The following ADGRL2 variants were observed in gnomAD, a reference collection of about 807,000 sequenced individuals.
The protein encoded by ADGRL2 is calcium-independent alpha-latrotoxin receptor 2.
In ADGRL2, 44 loss-of-function variants were observed where a neutral mutation model predicts 157.4. The observed-to-expected ratio is 0.28, with a 90% CI of 0.22 to 0.36. The LOEUF is 0.36. Ranked by LOEUF, ADGRL2 falls within the 10% of genes least tolerant of loss-of-function variation. The probability of loss-of-function intolerance (pLI) is 1.00; values close to 1 mark genes in which losing one functional copy is unlikely to be tolerated. For synonymous variants in ADGRL2, 585 were observed against 624.7 expected, an observed-to-expected ratio of 0.94 and a Z score of 0.95; for missense variants, 1,510 against 1,768.9, an observed-to-expected ratio of 0.85 and a Z score of 2.63.
At chr1:81,792,073 G>A (rs942436619) in intron 2 of ADGRL2, among the ~76,000 whole-genome samples, 10 of 152,086 alleles carry the variant, frequency 6.6e-5, no homozygotes, top group African/African-American at 1.9e-4. Flanking sequence ...CTCTGGGGAG[G>A]GAGTATGTTT....
At chr1:81,430,118 C>G (rs1286801061) in intron 1 of ADGRL2, among the ~76,000 whole-genome samples, 1 of 152,190 alleles carries the variant, frequency 6.6e-6, no homozygotes, top group Non-Finnish European at 1.5e-5. Flanking sequence ...GTTTCGAACT[C>G]CCGACCTCAG....
chr1:81,370,993 T>A (rs1389384759), intron 1 of ADGRL2, among the ~76,000 whole-genome samples: 1 of 152,204 alleles, frequency 6.6e-6, no homozygotes, highest in Non-Finnish European at 1.5e-5. Context: ...GAATTTTCAG[T>A]ATGCTAATAA....
chr1:81,373,101 C>T (rs550793646), intron 1 of ADGRL2, among the ~76,000 whole-genome samples: 21 of 152,236 alleles, frequency 1.4e-4, no homozygotes, highest in Non-Finnish European at 2.2e-4. Flanking sequence ...TGCAGAGGAC[C>T]TCTGTCTCAT....
intron 2 of ADGRL2, among the ~76,000 whole-genome samples, chr1:81,468,067 T>C (rs1430477766): frequency 6.6e-6 from 1 of 152,208 alleles, no homozygotes; most frequent in Non-Finnish European, 1.5e-5. Context: ...ATTGAAAGTT[T>C]AGATTTGGTT....
intron 1 of ADGRL2, among the ~76,000 whole-genome samples, chr1:81,328,281 A>G (rs148018399): frequency 5.3e-5 from 8 of 152,276 alleles, no homozygotes; most frequent in Middle Eastern, 6.8e-3. Context: ...CAGTAAATTT[A>G]TAATTTTCAT....
chr1:81,591,182 G>A (rs1456661865), intron 3 of ADGRL2, among the ~76,000 whole-genome samples: 1 of 152,158 alleles, frequency 6.6e-6, no homozygotes, highest in Non-Finnish European at 1.5e-5. Context: ...CATGAAAGAA[G>A]CTTTCTCTTC....
intron 1 of ADGRL2, among the ~76,000 whole-genome samples, chr1:81,377,726 C>T (rs1313461898): frequency 6.6e-5 from 10 of 152,086 alleles, no homozygotes; most frequent in African/African-American, 1.4e-4. Context: ...AATTATTCTT[C>T]ACTTAAAAAT....
At chr1:81,364,665 T>C (rs2076034340) in intron 1 of ADGRL2, among the ~76,000 whole-genome samples, 1 of 152,106 alleles carries the variant, frequency 6.6e-6, no homozygotes, top group African/African-American at 2.4e-5. Context: ...AGTAGTATCT[T>C]TGAGGAGTCA....
At chr1:81,830,437 G>A (rs1017726646) in intron 1 of ADGRL2, among the ~76,000 whole-genome samples, 7 of 152,308 alleles carry the variant, frequency 4.6e-5, no homozygotes, top group African/African-American at 1.7e-4. Context: ...AAGGCAATGT[G>A]CTATAGCACT....
chr1:81,861,315 C>G (rs941813657), intron 2 of ADGRL2, among the ~76,000 whole-genome samples: 1 of 152,078 alleles, frequency 6.6e-6, no homozygotes, highest in East Asian at 1.9e-4. Context: ...GCCACTGCAC[C>G]CAGCCTCACT....
chr1:81,931,497 A>T (rs2095229971), intron 3 of ADGRL2, among the ~76,000 whole-genome samples: 1 of 152,158 alleles, frequency 6.6e-6, no homozygotes, highest in Non-Finnish European at 1.5e-5. Context: ...GTGATGTGAA[A>T]TAATGATTAA....
At chr1:81,557,470 GA>G (rs2080319777) in intron 2 of ADGRL2, 1 of 26,016 alleles carries the variant, frequency 3.8e-5, no homozygotes, top group South Asian at 2.3e-3. Context: ...AAAGAAAGAA[GA>G]AAGAAAGAAA....
chr1:81,989,922 T>G lies in ADGRL2; in HGVS notation c.3656-469T>G, dbSNP rs965231849. 11 of 985,346 alleles carry G rather than the reference T, an allele frequency of 1.1e-5. No homozygotes were observed. In the African/African-American group the frequency reaches 1.7e-4, roughly 16 times the overall value. The allele number at this position is 985,346 out of a possible 1,614,324, so 61.0% of individuals were successfully genotyped here. A position where few individuals can be genotyped will look rare whatever the true frequency, so the allele number is the denominator to read the frequency against. On this transcript the variant is annotated intron_variant, in intron 23 of 23. Coordinates refer to ENST00000686636, the MANE Select transcript of ADGRL2 (RefSeq NM_001366006.2). ...CAGTTATGTGGGTTTATGTTGTACA[T>G]TTGCCTTTCAGTTTTGTATTGTGAC...
intron 10 of ADGRL2, 35 bp from the exon 11 acceptor site, chr1:81,955,842 G>C (rs765004263): frequency 1.4e-6 from 2 of 1,409,384 alleles, no homozygotes; most frequent in Admixed American, 2.4e-5. Context: ...TTCTAAAAGC[G>C]GTCAAAACTA....
chr1:81,569,346 A>G (rs780406115), intron 2 of ADGRL2, among the ~76,000 whole-genome samples: 1 of 152,140 alleles, frequency 6.6e-6, no homozygotes, highest in Non-Finnish European at 1.5e-5. Context: ...CCGGGGTTCA[A>G]ACACACCCAC....
At chr1:81,452,877 G>A (rs574911957) in intron 2 of ADGRL2, among the ~76,000 whole-genome samples, 1 of 152,224 alleles carries the variant, frequency 6.6e-6, no homozygotes, top group East Asian at 1.9e-4. Context: ...AGTTCCCCAG[G>A]CAATGGGAAC....
rs535886434 is a variant in ADGRL2, at chr1:81,333,256, C to T, written c.-302+26747C>T. Among the ~76,000 whole-genome samples, 11 of 152,244 alleles carry T rather than the reference C, an allele frequency of 7.2e-5. No individual in the cohort carries two copies. In the South Asian group the frequency reaches 2.3e-3, roughly 32 times the overall value. ...TGGGCTTCTATCCTAAATCTGCTCTCCTACTTAGAGAAAGTGGACTGAAAA... is the reference window on the plus strand; with the variant it reads ...TGGGCTTCTATCCTAAATCTGCTCTTCTACTTAGAGAAAGTGGACTGAAAA... On this transcript the variant is annotated intron_variant, in intron 1 of 24. Transcript: ENST00000370721.
intron 1 of ADGRL2, among the ~76,000 whole-genome samples, chr1:81,401,966 G>A (rs950160294): frequency 6.6e-6 from 1 of 151,804 alleles, no homozygotes; most frequent in Non-Finnish European, 1.5e-5. Context: ...CCCTCTAAAG[G>A]ATTAAAATTA....
At chr1:81,672,240 G>A (rs946395906) in intron 3 of ADGRL2, among the ~76,000 whole-genome samples, 7 of 152,214 alleles carry the variant, frequency 4.6e-5, no homozygotes, top group South Asian at 2.1e-4. Context: ...AATGTCTCCC[G>A]GTGTAGAAAG....
Sources: allele counts gnomAD v4.1 joint callset (sites outside exome capture counted in the v4.1 genomes callset), GRCh38; gene constraint gnomAD v4.1.1; transcripts MANE v1.5; gene names NCBI Gene and HGNC (gene_info 2026-07-23, HGNC 2026-07-21).